PPFIA2: variants seen among roughly 807,000 people sequenced by gnomAD.
The protein encoded by PPFIA2 is PPFI scaffold protein A2.
In PPFIA2, 46 loss-of-function variants were observed where a neutral mutation model predicts 175.5. The ratio of observed to expected loss-of-function variants is 0.26; its 90% CI spans 0.21 to 0.34. PPFIA2 has a LOEUF of 0.34. Among genes scored for constraint, PPFIA2 ranks in the 10% least tolerant of loss-of-function variants. The probability of loss-of-function intolerance (pLI) is 1.00; values close to 1 mark genes in which losing one functional copy is unlikely to be tolerated. For synonymous variants in PPFIA2, 568 were observed against 511.4 expected (o/e 1.11, Z -1.49); for missense variants, 1,179 against 1,506.1 (o/e 0.78, Z 3.60).
At chr12:81,291,331 T>C (rs2044911589) in intron 24 of PPFIA2, among the ~76,000 whole-genome samples, 1 of 151,916 alleles carries the variant, frequency 6.6e-6, no homozygotes, top group Non-Finnish European at 1.5e-5. Flanking sequence ...TTATCCAGCT[T>C]GTAGTGATTT....
intron 4 of PPFIA2, among the ~76,000 whole-genome samples, chr12:81,535,791 A>T (rs2065286532): frequency 6.6e-6 from 1 of 151,724 alleles, no homozygotes; most frequent in African/African-American, 2.4e-5. Context: ...ACAGGAATGT[A>T]TTTTCTTTTA....
At chr12:81,415,988 G>A (rs947749270) in intron 7 of PPFIA2, among the ~76,000 whole-genome samples, 12 of 151,408 alleles carry the variant, frequency 7.9e-5, no homozygotes, top group African/African-American at 2.2e-4. Context: ...TAATTAAAAT[G>A]ACAATAAAAT....
At chr12:81,493,754 C>A (rs5004210) in intron 4 of PPFIA2, among the ~76,000 whole-genome samples, 1,517 of 101,740 alleles carry the variant, frequency 0.015, 11 homozygotes, top group Non-Finnish European at 0.019. Context: ...GTGTGTGTGT[C>A]TATATATATA....
chr12:81,294,564 G>A, intron 24 of PPFIA2: 1 of 414,138 alleles, frequency 2.4e-6, no homozygotes, highest in East Asian at 4.9e-5. Flanking sequence ...AAAAGAGTAA[G>A]CTCAGGGTCT....
chr12:81,395,994 T>C (rs2041065578), intron 8 of PPFIA2, among the ~76,000 whole-genome samples: 2 of 152,200 alleles, frequency 1.3e-5, no homozygotes, highest in Admixed American at 1.3e-4. Context: ...GTGTGCCTTT[T>C]TTCACATTAA....
intron 24 of PPFIA2, among the ~76,000 whole-genome samples, chr12:81,290,555 C>T (rs1310302345): frequency 6.6e-6 from 1 of 151,602 alleles, no homozygotes; most frequent in African/African-American, 2.4e-5. Flanking sequence ...AGAGCTATTA[C>T]ACATTAGTAA....
At chr12:81,648,272 C>A (rs1189858114) in intron 4 of PPFIA2, among the ~76,000 whole-genome samples, 1 of 151,788 alleles carries the variant, frequency 6.6e-6, no homozygotes, top group African/African-American at 2.4e-5. Context: ...AAAGAACTTG[C>A]TCAGTTTAAA....
At chr12:81,519,991 G>A (rs151242671) in intron 4 of PPFIA2, among the ~76,000 whole-genome samples, 186 of 152,308 alleles carry the variant, frequency 1.2e-3, no homozygotes, top group Admixed American at 9.5e-3. Flanking sequence ...TAAAAGTTAT[G>A]TGGATGTGGT....
At chr12:81,434,400 A>C (rs2048623367) in intron 7 of PPFIA2, among the ~76,000 whole-genome samples, 1 of 152,124 alleles carries the variant, frequency 6.6e-6, no homozygotes, top group Non-Finnish European at 1.5e-5. Context: ...TACACAGCAA[A>C]AGAGATAAGC....
chr12:81,429,607 T>G (rs1377451385), intron 7 of PPFIA2, among the ~76,000 whole-genome samples: 1 of 152,084 alleles, frequency 6.6e-6, no homozygotes, highest in Non-Finnish European at 1.5e-5. Context: ...GCTGAACTAC[T>G]CATGGATTTC....
chr12:81,706,883 T>G (rs1344535394), intron 3 of PPFIA2, among the ~76,000 whole-genome samples: 2 of 152,198 alleles, frequency 1.3e-5, no homozygotes, highest in African/African-American at 4.8e-5. Flanking sequence ...TACAACTATC[T>G]GATCTTTGAC....
Position 81,589,074 on chromosome 12 carries a change from ATTC to A in PPFIA2, c.303+87714_303+87716del, listed in dbSNP as rs759933426. ...ATGACTATATGACACTAAGTAAAAC[ATTC>A]TTCTTCTTAATTTGTAATAAAATTC... On this transcript the variant is annotated intron_variant, in intron 4 of 32. Coordinates refer to ENST00000549396, the MANE Select transcript of PPFIA2 (RefSeq NM_003625.5). 2.6e-5 allele frequency among the ~76,000 whole-genome samples: 4 copies of A among 152,262 alleles called. No individual in the cohort carries two copies. In the South Asian group the frequency reaches 8.3e-4, roughly 32 times the overall value.
intron 27 of PPFIA2, among the ~76,000 whole-genome samples, chr12:81,280,195 A>G (rs777595926): frequency 6.2e-4 from 94 of 152,194 alleles, no homozygotes; most frequent in Non-Finnish European, 6.8e-4. Flanking sequence ...TTGTCAAGCC[A>G]TTAACCAAAA....
chr12:81,512,266 T>G (rs1447767196), intron 4 of PPFIA2: 1 of 1,265,430 alleles, frequency 7.9e-7, no homozygotes, highest in East Asian at 5.6e-5. Context: ...AAACACCTCA[T>G]GCTGACACAA....
chr12:81,698,443 G>C (rs1488276210), intron 3 of PPFIA2, among the ~76,000 whole-genome samples: 3 of 151,964 alleles, frequency 2.0e-5, no homozygotes, highest in Admixed American at 6.6e-5. Flanking sequence ...AGCCAGATGA[G>C]GACCCCTTGA....
chr12:81,416,221 C>A (rs894502627), intron 7 of PPFIA2, among the ~76,000 whole-genome samples: 1 of 151,472 alleles, frequency 6.6e-6, no homozygotes, highest in South Asian at 2.1e-4. Context: ...AAGCAAACAC[C>A]AATTTCTAAA....
In PPFIA2 at chr12:81,284,182, T is replaced by G. The variant is rs992821220; in HGVS notation, c.2988+59A>C. Reference sequence around the variant, plus strand: ...GTCTATTGTAAACAGATTAGTTTCCTCATCCAAAGAGCAGCAAAGTCACTT... The same window carrying G: ...GTCTATTGTAAACAGATTAGTTTCCGCATCCAAAGAGCAGCAAAGTCACTT... On this transcript the variant is annotated intron_variant, in intron 25 of 32. Transcript: ENST00000549396. 2.3e-6 allele frequency: 3 copies of G among 1,302,724 alleles called. No individual in the cohort carries two copies. In the African/African-American group the frequency reaches 4.4e-5, roughly 19 times the overall value. The allele number at this position is 1,302,724 out of a possible 1,614,324, so 80.7% of individuals were successfully genotyped here.
rs577483218 is a variant in PPFIA2, at chr12:81,452,596, C to T, written c.405+5169G>A. 1.5e-4 allele frequency among the ~76,000 whole-genome samples: 23 copies of T among 152,324 alleles called. No homozygotes were observed. The South Asian group carries it at 1.9e-3, about 12-fold the overall frequency. ...TAGAACTTTCATAAATAACTATATA[C>T]GCACATGCATGTACACATATGTAGA... is the stretch of plus-strand genomic sequence containing the variant. On this transcript the variant is annotated intron_variant, in intron 5 of 32. Coordinates refer to ENST00000549396, the MANE Select transcript of PPFIA2 (RefSeq NM_003625.5).
chr12:81,663,165 C>A (rs928299537), intron 4 of PPFIA2, among the ~76,000 whole-genome samples: 49 of 152,290 alleles, frequency 3.2e-4, no homozygotes, highest in Admixed American at 1.2e-3. Flanking sequence ...TCCTATTCAA[C>A]ACAGTGTGGG....
Sources: allele counts gnomAD v4.1 joint callset (sites outside exome capture counted in the v4.1 genomes callset), GRCh38; gene constraint gnomAD v4.1.1; transcripts MANE v1.5; gene names NCBI Gene and HGNC (gene_info 2026-07-23, HGNC 2026-07-21).